ADGRL2: variants seen among roughly 807,000 people sequenced by gnomAD.
The protein encoded by ADGRL2 is adhesion G protein-coupled receptor L2, also known as calcium-independent alpha-latrotoxin receptor 2.
In ADGRL2, 44 loss-of-function variants were observed where a neutral mutation model predicts 157.4. That is an observed-to-expected ratio of 0.28 (90% confidence interval 0.22 to 0.36). The LOEUF (loss-of-function observed/expected upper bound fraction) is 0.36. Among genes scored for constraint, ADGRL2 ranks in the 10% least tolerant of loss-of-function variants. The pLI, the probability that ADGRL2 is intolerant of heterozygous loss-of-function variation, is 1.00. For synonymous variants in ADGRL2, 585 were observed against 624.7 expected, an observed-to-expected ratio of 0.94 and a Z score of 0.95; for missense variants, 1,510 against 1,768.9, an observed-to-expected ratio of 0.85 and a Z score of 2.63.
chr1:81,646,893 T>C (rs1204386372), intron 3 of ADGRL2, among the ~76,000 whole-genome samples: 2 of 152,204 alleles, frequency 1.3e-5, no homozygotes, highest in Non-Finnish European at 2.9e-5. Flanking sequence ...TGATATGAGA[T>C]TAAAATGTTA....
intron 1 of ADGRL2, among the ~76,000 whole-genome samples, chr1:81,714,306 A>G (rs1405715523): frequency 6.6e-6 from 1 of 152,238 alleles, no homozygotes; most frequent in Non-Finnish European, 1.5e-5. Flanking sequence ...AGAGATATAA[A>G]TTAAGATTGC....
At chr1:81,677,918 C>T (rs1364065137) in intron 3 of ADGRL2, among the ~76,000 whole-genome samples, 1 of 152,192 alleles carries the variant, frequency 6.6e-6, no homozygotes, top group Non-Finnish European at 1.5e-5. Flanking sequence ...TCTACCATTT[C>T]TCATCATATA....
At position 81,607,115 on chromosome 1, in the gene ADGRL2, G is replaced by T. The variant is rs142818771; in HGVS notation, c.-143+26135G>T. On this transcript the variant is annotated intron_variant, in intron 3 of 24. Transcript: ENST00000370721. ...TTTGAATCCTGGTTATAATACCCTG[G>T]ACTCAATCCCAAGAGTATATCTTTC... Among the ~76,000 whole-genome samples, 449 of 152,104 alleles carry T rather than the reference G, an allele frequency of 3.0e-3. 7 individuals carry two copies. The highest frequency in any genetic ancestry group is 0.01 in the Middle Eastern group (3 of 294).
intron 2 of ADGRL2, among the ~76,000 whole-genome samples, chr1:81,469,898 C>T (rs142545750): frequency 2.0e-5 from 3 of 152,304 alleles, no homozygotes; most frequent in Non-Finnish European, 4.4e-5. Flanking sequence ...TTCATAGGCT[C>T]CTTCTGTTCC....
In ADGRL2 at chr1:81,369,854, T is replaced by C. The variant is rs550901740; in HGVS notation, c.-302+63345T>C. Among the ~76,000 whole-genome samples, 92 of 152,148 alleles carry C rather than the reference T, an allele frequency of 6.0e-4. 1 individual carries two copies. Among genetic ancestry groups the C allele is most frequent in the Non-Finnish European group, 1.2e-3 (84 of 68,026 alleles). On this transcript the variant is annotated intron_variant, in intron 1 of 24. Transcript: ENST00000370721. Reference sequence around the variant, plus strand: ...TACATTTGGCATTGGAATTAGGTATTTTTACTTATTTATTTTTTATTTCAC... The same window carrying C: ...TACATTTGGCATTGGAATTAGGTATCTTTACTTATTTATTTTTTATTTCAC...
chr1:81,885,469 C>G (rs1310901695), intron 2 of ADGRL2, among the ~76,000 whole-genome samples: 2 of 152,170 alleles, frequency 1.3e-5, no homozygotes, highest in Non-Finnish European at 2.9e-5. Flanking sequence ...CACGTCTTAT[C>G]CAGGGCTTGA....
At chr1:81,539,565 A>C (rs970870130) in intron 2 of ADGRL2, among the ~76,000 whole-genome samples, 3 of 152,320 alleles carry the variant, frequency 2.0e-5, no homozygotes, top group Middle Eastern at 3.4e-3. Context: ...GTACCAAATC[A>C]TATGGCATGT....
At chr1:81,631,227 T>C (rs984452669) in intron 3 of ADGRL2, among the ~76,000 whole-genome samples, 1 of 152,010 alleles carries the variant, frequency 6.6e-6, no homozygotes, top group African/African-American at 2.4e-5. Flanking sequence ...TTTCTTTTGT[T>C]TTTTTTTGAG....
At chr1:81,579,423 T>G (rs2080861657) in intron 2 of ADGRL2, 1 of 152,164 alleles carries the variant, frequency 6.6e-6, no homozygotes, top group Non-Finnish European at 1.5e-5. Flanking sequence ...TCTAGAGTAG[T>G]TCCAGTTACT....
chr1:81,452,398 A>C (rs904773353), intron 2 of ADGRL2, among the ~76,000 whole-genome samples: 1 of 152,154 alleles, frequency 6.6e-6, no homozygotes, highest in African/African-American at 2.4e-5. Context: ...ACAGCCTTAC[A>C]CGATTTTACT....
intron 1 of ADGRL2, among the ~76,000 whole-genome samples, chr1:81,384,246 G>A (rs2076396428): frequency 6.6e-6 from 1 of 152,156 alleles, no homozygotes; most frequent in African/African-American, 2.4e-5. Flanking sequence ...TTAAAAATGA[G>A]AGAAGTCTAT....
rs1209972587 is a variant in ADGRL2 at position 81,865,605 on chromosome 1, C to T, written c.73+28548C>T. On this transcript the variant is annotated intron_variant, in intron 2 of 23. Coordinates refer to ENST00000686636, the MANE Select transcript of ADGRL2 (RefSeq NM_001366006.2). ...CTAGTTTTGAGCCGATGGTACATTT[C>T]TCCTGAGAGATACCCAGGGAGTGAA... 2.6e-5 allele frequency among the ~76,000 whole-genome samples: 4 copies of T among 152,258 alleles called. No individual in the cohort carries two copies. In the East Asian group the frequency reaches 7.7e-4, roughly 29 times the overall value.
chr1:81,781,910 A>G (rs528924372), intron 2 of ADGRL2, among the ~76,000 whole-genome samples: 1 of 152,316 alleles, frequency 6.6e-6, no homozygotes, highest in Non-Finnish European at 1.5e-5. Flanking sequence ...AGGCTCTCCC[A>G]CTTGTAGAAC....
intron 1 of ADGRL2, among the ~76,000 whole-genome samples, chr1:81,340,586 C>T (rs1167056312): frequency 1.3e-5 from 2 of 152,118 alleles, no homozygotes; most frequent in Admixed American, 6.5e-5. Context: ...ATCTCTGACA[C>T]TCATTTATGA....
intron 2 of ADGRL2, among the ~76,000 whole-genome samples, chr1:81,548,753 C>T (rs564540056): frequency 3.3e-5 from 5 of 152,186 alleles, no homozygotes; most frequent in Non-Finnish European, 7.4e-5. Context: ...TCTAAATAAT[C>T]TCAAAGAAGA....
At chr1:81,354,309 C>T (rs543938795) in intron 1 of ADGRL2, among the ~76,000 whole-genome samples, 3 of 152,286 alleles carry the variant, frequency 2.0e-5, no homozygotes, top group Admixed American at 2.0e-4. Flanking sequence ...AATGATGAAA[C>T]TAATATTCTG....
Position 81,943,708 on chromosome 1 carries a change from G to T in ADGRL2, c.1149G>T (p.Val383=). 1 of 1,613,600 alleles carries T rather than the reference G, an allele frequency of 6.2e-7. No homozygotes were observed. Among genetic ancestry groups the T allele is most frequent in the East Asian group, 2.2e-5 (1 of 44,854 alleles). Residue 383 remains valine (V), a synonymous_variant, in exon 6 of 24, where the codon GTG becomes GTT. Transcript: ENST00000686636. This position sits in a 1 kb window ranked among gnomAD's most constrained non-coding sequence, Gnocchi z 5.6. ...DYNPRDNQLY[V]WNNNFILRYS... The stretch of plus-strand genomic sequence containing the variant: ...ATCCAAGAGATAACCAACTTTACGT[G>T]TGGAACAATAACTTCATTTTACGAT...
chr1:81,699,718 T>C (rs2083519251), upstream of ADGRL2: 1 of 152,228 alleles, frequency 6.6e-6, no homozygotes, highest in South Asian at 2.1e-4. Flanking sequence ...TGGAAAAGGC[T>C]CAATACTCTT....
At chr1:81,812,382 A>C (rs976781856) in intron 1 of ADGRL2, among the ~76,000 whole-genome samples, 2 of 151,764 alleles carry the variant, frequency 1.3e-5, no homozygotes, top group African/African-American at 4.8e-5. Flanking sequence ...TAATGTACTA[A>C]AGGCCTTGTG....
Sources: allele counts gnomAD v4.1 joint callset (sites outside exome capture counted in the v4.1 genomes callset), GRCh38; gene constraint gnomAD v4.1.1; non-coding constraint Gnocchi (gnomAD v3.1); transcripts MANE v1.5; gene names NCBI Gene and HGNC (gene_info 2026-07-23, HGNC 2026-07-21).